Variants in MROH9 observed in about 807,000 individuals in gnomAD.
MROH9 encodes maestro heat like repeat family member 9.
MROH9 carries 92 observed loss-of-function variants against 98.2 expected under a neutral mutation model. The ratio of observed to expected loss-of-function variants is 0.94; its 90% confidence interval spans 0.79 to 1.11. MROH9 has a LOEUF of 1.11. Ranked by LOEUF, MROH9 falls within the 50% of genes most tolerant of loss-of-function variation. The pLI is 0.00. For missense variants in MROH9, 1,057 were observed against 1,014.8 expected (o/e 1.04, Z -0.57); for synonymous variants, 397 against 368.9 (o/e 1.08, Z -0.87).
intron 8 of MROH9, among the ~76,000 whole-genome samples, chr1:170,982,432 T>C (rs1047099969): frequency 2.8e-4 from 43 of 152,112 alleles, no homozygotes; most frequent in Non-Finnish European, 4.7e-4. Context: ...AGTGGATAAG[T>C]GGTTGCCTTG....
intron 1 of MROH9, among the ~76,000 whole-genome samples, chr1:170,937,889 A>G (rs987421931): frequency 1.3e-5 from 2 of 152,080 alleles, no homozygotes; most frequent in South Asian, 4.2e-4. Flanking sequence ...TTCAGTAAGC[A>G]CCTCAGCTGC....
At chr1:171,047,043 G>A (rs1653491888) in intron 20 of MROH9, among the ~76,000 whole-genome samples, 1 of 152,138 alleles carries the variant, frequency 6.6e-6, no homozygotes, top group African/African-American at 2.4e-5. Context: ...ATGTATTGGA[G>A]TTCCATTGTA....
intron 2 of MROH9, among the ~76,000 whole-genome samples, chr1:170,946,920 A>G (rs1243738914): frequency 6.6e-6 from 1 of 152,028 alleles, no homozygotes; most frequent in African/African-American, 2.4e-5. Flanking sequence ...TATAATTCAA[A>G]CAAAATTATA....
chr1:171,005,831 A>G (rs1366987499), intron 15 of MROH9, among the ~76,000 whole-genome samples: 1 of 152,078 alleles, frequency 6.6e-6, no homozygotes, highest in Non-Finnish European at 1.5e-5. Context: ...TTTTCTCCTT[A>G]CCTGCTCCCA....
intron 17 of MROH9, among the ~76,000 whole-genome samples, chr1:171,024,085 C>CT (rs1652611575): frequency 6.6e-6 from 1 of 152,012 alleles, no homozygotes; most frequent in South Asian, 2.1e-4. Flanking sequence ...GGATTTTATT[C>CT]TTTTTTAAGG....
chr1:170,940,902 C>T (rs550817055), intron 1 of MROH9, among the ~76,000 whole-genome samples: 12 of 152,190 alleles, frequency 7.9e-5, no homozygotes, highest in Admixed American at 1.3e-4. Flanking sequence ...ATAATATCCC[C>T]CATTCCACAG....
At position 170,983,543 on chromosome 1, in the gene MROH9, GC is replaced by G; in HGVS notation, c.729+14del. 1 of 1,536,106 alleles carries G rather than the reference GC, an allele frequency of 6.5e-7. No homozygotes were observed. Among genetic ancestry groups the G allele is most frequent in the Non-Finnish European group, 9.0e-7 (1 of 1,111,714 alleles). ...AAAGTAAAATAGCTCAGGTAACTTAGCCCCCACTTTTTCCGAGGGCTTTTGT... is the reference window on the plus strand; with the variant it reads ...AAAGTAAAATAGCTCAGGTAACTTAGCCCCACTTTTTCCGAGGGCTTTTGT... On this transcript the variant is annotated intron_variant, in intron 9 of 21. Transcript: ENST00000367759.
chr1:171,020,032 C>T (rs558282792), intron 17 of MROH9, among the ~76,000 whole-genome samples: 5 of 152,236 alleles, frequency 3.3e-5, no homozygotes, highest in African/African-American at 9.6e-5. Flanking sequence ...TGGGTAAATT[C>T]CTGGACGCAT....
At position 170,996,421 on chromosome 1, in the gene MROH9, A is replaced by T. The variant is rs1651567127; in HGVS notation, c.1338-86A>T. The T allele has an allele frequency of 4.8e-6, 7 of 1,470,756 alleles. No homozygotes were observed. In the East Asian group the frequency reaches 1.6e-4, roughly 34 times the overall value. The allele number at this position is 1,470,756 out of a possible 1,614,324, so 91.1% of individuals were successfully genotyped here. A position where few individuals can be genotyped will look rare whatever the true frequency, so the allele number is the denominator to read the frequency against. On this transcript the variant is annotated intron_variant, in intron 13 of 21. Coordinates refer to ENST00000367759, the MANE Select transcript of MROH9 (RefSeq NM_001163629.2). Reference sequence around the variant, plus strand: ...TTTCTCAAAACCTATATTCTGCCCAAGATGGGATTAAAAGGCAGGTAATGT... The same window carrying T: ...TTTCTCAAAACCTATATTCTGCCCATGATGGGATTAAAAGGCAGGTAATGT...
chr1:171,061,832 C>A (rs1654025099), intron 20 of MROH9, among the ~76,000 whole-genome samples: 1 of 152,082 alleles, frequency 6.6e-6, no homozygotes, highest in South Asian at 2.1e-4. Flanking sequence ...CTGGGAGAGC[C>A]TTGAAGGAAG....
intron 20 of MROH9, among the ~76,000 whole-genome samples, chr1:171,037,276 G>A (rs568700605): frequency 1.3e-5 from 2 of 151,084 alleles, no homozygotes; most frequent in South Asian, 2.1e-4. Flanking sequence ...GAGAGGGAGG[G>A]AGAAAAAGAA....
Position 170,986,650 on chromosome 1 carries a change from A to C in MROH9, c.819A>C (p.Ala273=). 1 of 1,613,950 alleles carries C rather than the reference A, an allele frequency of 6.2e-7. No individual in the cohort carries two copies. Among genetic ancestry groups the C allele is most frequent in the Non-Finnish European group, 8.5e-7 (1 of 1,179,930 alleles). ...MKLSSPDDKI[A]SDAASILIFT... is the part of the protein sequence containing the mutation. ...TCTCTTCACCTGATGATAAAATCGC[A>C]TCTGATGCAGCATCCATACTGATAT... is the stretch of plus-strand genomic sequence containing the variant. Residue 273 remains alanine, a synonymous_variant, in exon 10 of 22, where the codon GCA becomes GCC. Transcript: ENST00000367759.
intron 20 of MROH9, among the ~76,000 whole-genome samples, chr1:171,032,484 T>C (rs573895793): frequency 6.6e-6 from 1 of 152,210 alleles, no homozygotes; most frequent in South Asian, 2.1e-4. Context: ...GTTGTTGTTT[T>C]TGTTGTTTCT....
chr1:170,956,992 G>A (rs1649788107), intron 3 of MROH9, among the ~76,000 whole-genome samples: 1 of 144,056 alleles, frequency 6.9e-6, no homozygotes, highest in Non-Finnish European at 1.5e-5. Context: ...CAGGTCTTTT[G>A]CCCATTTGTA....
chr1:170,980,036 T>G (rs953808125), intron 8 of MROH9, among the ~76,000 whole-genome samples: 2 of 151,974 alleles, frequency 1.3e-5, no homozygotes, highest in African/African-American at 4.8e-5. Context: ...ACAAAGGATG[T>G]GAAGGACCTC....
intron 7 of MROH9, among the ~76,000 whole-genome samples, 194 bp from the exon 8 acceptor site, chr1:170,971,554 G>A (rs1301270187): frequency 6.6e-6 from 1 of 152,122 alleles, no homozygotes; most frequent in Non-Finnish European, 1.5e-5. Context: ...GTTACAAAGT[G>A]GAATTTATTG....
intron 20 of MROH9, among the ~76,000 whole-genome samples, chr1:171,025,693 C>G (rs1194740271): frequency 6.6e-6 from 1 of 152,036 alleles, no homozygotes; most frequent in East Asian, 1.9e-4. Flanking sequence ...GTTCATTTTT[C>G]CCCTTCACCA....
At chr1:171,041,346 G>GGTGTGT (rs1553222150) in intron 20 of MROH9, among the ~76,000 whole-genome samples, 1 of 56,726 alleles carries the variant, frequency 1.8e-5, no homozygotes, top group African/African-American at 6.6e-5. Flanking sequence ...AGTATTCCAT[G>GGTGTGT]ATGTGTGTGT....
Position 170,959,447 on chromosome 1 carries a change from C to G in MROH9, c.153-15C>G, listed in dbSNP as rs1649923326. On this transcript the variant is annotated splice_polypyrimidine_tract_variant and intron_variant, in intron 4 of 21. Coordinates refer to ENST00000367759, the MANE Select transcript of MROH9 (RefSeq NM_001163629.2). ...TGTTTTCTCATCATTAATAATTGCT[C>G]CTTTTTCTTGTCAGCTTTGTGGATC... 6.3e-7 allele frequency: 1 copy of G among 1,583,030 alleles called. No homozygotes were observed. The highest frequency in any genetic ancestry group is 1.4e-5 in the African/African-American group (1 of 73,514).
Sources: gnomAD v4.1 joint callset for allele counts (sites outside exome capture counted in the v4.1 genomes callset) on GRCh38, gnomAD v4.1.1 for gene constraint, MANE v1.5 for transcripts, NCBI Gene and HGNC (gene_info 2026-07-23, HGNC 2026-07-21) for gene names.